PCDHGA11: variants seen among roughly 807,000 people sequenced by gnomAD.
PCDHGA11 encodes protocadherin gamma-A11.
In PCDHGA11, 39 loss-of-function variants were observed where a neutral mutation model predicts 60.4. The observed-to-expected ratio is 0.65, with a 90% CI of 0.50 to 0.84. The LOEUF (loss-of-function observed/expected upper bound fraction) is 0.84. Ranked by LOEUF, PCDHGA11 falls within the 40% of genes least tolerant of loss-of-function variation. The pLI is 0.00. For missense variants in PCDHGA11, 1,165 were observed against 1,197.7 expected, an observed-to-expected ratio of 0.97 and a Z score of 0.40; for synonymous variants, 533 against 510.3, an observed-to-expected ratio of 1.04 and a Z score of -0.60.
intron 1 of PCDHGA11, among the ~76,000 whole-genome samples, chr5:141,425,336 G>A (rs2096868804): frequency 6.6e-6 from 1 of 152,182 alleles, no homozygotes; most frequent in South Asian, 2.1e-4. Flanking sequence ...CAAAAAGGAA[G>A]GGTTGGCTTT....
intron 1 of PCDHGA11, among the ~76,000 whole-genome samples, chr5:141,451,630 C>T (rs899343801): frequency 2.0e-5 from 3 of 152,132 alleles, no homozygotes; most frequent in Non-Finnish European, 2.9e-5. Flanking sequence ...ACCTGTAATT[C>T]CAGCACTCTG....
intron 1 of PCDHGA11, among the ~76,000 whole-genome samples, chr5:141,435,715 A>T (rs528951395): frequency 5.9e-5 from 9 of 152,210 alleles, no homozygotes; most frequent in Non-Finnish European, 1.0e-4. Context: ...ACAGACACTG[A>T]ATGCTAAAGT....
chr5:141,424,966 T>G (rs913951031), intron 1 of PCDHGA11, among the ~76,000 whole-genome samples: 17 of 152,174 alleles, frequency 1.1e-4, no homozygotes, highest in African/African-American at 3.9e-4. Flanking sequence ...TTGCCCCAAA[T>G]TACTTGGATA....
chr5:141,475,106 G>T (rs1182368610), intron 1 of PCDHGA11, among the ~76,000 whole-genome samples: 6 of 152,220 alleles, frequency 3.9e-5, no homozygotes, highest in Admixed American at 2.0e-4. Context: ...ATCCTAGGTG[G>T]TAAATAGGCC....
At position 141,490,591 on chromosome 5, in the gene PCDHGA11, G is replaced by A; in HGVS notation, c.2434-4216G>A. 1 of 1,614,100 alleles carries A rather than the reference G, an allele frequency of 6.2e-7. No homozygotes were observed. Among genetic ancestry groups the A allele is most frequent in the African/African-American group, 1.3e-5 (1 of 75,016 alleles). ...CAACATTTCAGATGTCAATGACAAT[G>A]CACCCCGCTTCAACCAGCAGCTTTA... On this transcript the variant is annotated intron_variant, in intron 1 of 3. Coordinates refer to ENST00000398587, the MANE Select transcript of PCDHGA11 (RefSeq NM_018914.3). This position sits in a 1 kb window ranked among gnomAD's most constrained non-coding sequence, Gnocchi z 5.4.
chr5:141,482,601 A>T (rs1158399317), intron 1 of PCDHGA11, among the ~76,000 whole-genome samples: 1 of 152,002 alleles, frequency 6.6e-6, no homozygotes, highest in Non-Finnish European at 1.5e-5. Flanking sequence ...ACGGGAAAAA[A>T]CACCTAAATG....
intron 1 of PCDHGA11, chr5:141,427,962 G>C (rs767684725): frequency 5.0e-6 from 8 of 1,589,982 alleles, no homozygotes; most frequent in Non-Finnish European, 6.9e-6. Flanking sequence ...TGTGCCGCGG[G>C]TGCTGTACCC....
intron 1 of PCDHGA11, chr5:141,478,893 T>G (rs1469313900): frequency 1.8e-6 from 2 of 1,102,894 alleles, no homozygotes; most frequent in Admixed American, 3.1e-5. Flanking sequence ...TCATTTACAT[T>G]AGGAATAAGC....
rs779735897 is a variant in PCDHGA11 at position 141,422,336 on chromosome 5, TA to T, written c.1112del (p.Asn371MetfsTer25). 34 of 1,550,032 alleles carry T rather than the reference TA, an allele frequency of 2.2e-5. No individual in the cohort carries two copies. The East Asian group carries it at 7.2e-4, about 33-fold the overall frequency. On this transcript the variant is annotated frameshift_variant, in exon 1 of 4. Coordinates refer to ENST00000398587, the MANE Select transcript of PCDHGA11 (RefSeq NM_018914.3). LOFTEE classifies it high-confidence loss of function. ...CCTCCAGGTACAGTGATTGCTCTTC[TA>T]AATGTGCAAGATCAAGATTCTGGAG... is the stretch of plus-strand genomic sequence containing the variant. Reference protein sequence around the residue: ...NSPPGTVIALLNVQDQDSGEN... With the variant: ...NSPPGTVIALXNVQDQDSGEN...
intron 1 of PCDHGA11, among the ~76,000 whole-genome samples, chr5:141,459,789 G>A (rs960868607): frequency 6.6e-6 from 1 of 152,206 alleles, no homozygotes; most frequent in Non-Finnish European, 1.5e-5. Context: ...AGTTTCAACT[G>A]TTTTTCCCTG....
At chr5:141,459,945 G>T (rs113794146) in intron 1 of PCDHGA11, among the ~76,000 whole-genome samples, 54 of 152,164 alleles carry the variant, frequency 3.5e-4, no homozygotes, top group Middle Eastern at 3.2e-3. Flanking sequence ...GGGCGTGATG[G>T]CAGGTGCCTG....
intron 2 of PCDHGA11, among the ~76,000 whole-genome samples, chr5:141,503,088 C>T (rs1003234288): frequency 4.0e-5 from 6 of 151,864 alleles, no homozygotes; most frequent in Admixed American, 1.3e-4. Context: ...CTCCTGACCT[C>T]GTGGTCTGCC....
intron 1 of PCDHGA11, among the ~76,000 whole-genome samples, chr5:141,483,218 A>G (rs2099578440): frequency 6.6e-6 from 1 of 152,188 alleles, no homozygotes; most frequent in Admixed American, 6.5e-5. Flanking sequence ...GATGACAGTC[A>G]CTGCAGAAAT....
chr5:141,488,565 C>A (rs1308485284), intron 1 of PCDHGA11, among the ~76,000 whole-genome samples: 1 of 152,174 alleles, frequency 6.6e-6, no homozygotes, highest in Non-Finnish European at 1.5e-5. Flanking sequence ...GAGATTTCCG[C>A]AAAGCATTGC....
At chr5:141,423,885 A>G in intron 1 of PCDHGA11, 6 of 1,277,816 alleles carry the variant, frequency 4.7e-6, no homozygotes, top group Non-Finnish European at 5.9e-6. Flanking sequence ...ATCTTGGCAT[A>G]TTTTCTTTTG....
In PCDHGA11 at chr5:141,487,954, T is replaced by C. The variant is rs2099669751; in HGVS notation, c.2434-6853T>C. On this transcript the variant is annotated intron_variant, in intron 1 of 3. Transcript: ENST00000398587. The surrounding 1 kb of genome is among the most constrained non-coding windows in gnomAD (Gnocchi z 5.0). ...GGGTACAGTGCACCAGGCAGTCACTTGGACAAAGGTGGCTGTTTTCTCTAC... is the reference window on the plus strand; with the variant it reads ...GGGTACAGTGCACCAGGCAGTCACTCGGACAAAGGTGGCTGTTTTCTCTAC... Among the ~76,000 whole-genome samples the C allele has an allele frequency of 6.6e-6, 1 of 152,182 alleles. No homozygotes were observed. The highest frequency in any genetic ancestry group is 1.5e-5 in the Non-Finnish European group (1 of 68,020).
chr5:141,433,358 C>CGTAT, intron 1 of PCDHGA11: 1 of 503,368 alleles, frequency 2.0e-6, no homozygotes, highest in Non-Finnish European at 3.5e-6. Context: ...CTACTGTCTG[C>CGTAT]CTATCTATCT....
intron 1 of PCDHGA11, among the ~76,000 whole-genome samples, chr5:141,426,040 G>C (rs1032424646): frequency 2.0e-5 from 3 of 152,212 alleles, no homozygotes; most frequent in African/African-American, 7.2e-5. Flanking sequence ...GAGCCCTGCT[G>C]TTGGCCAATG....
chr5:141,485,566 C>G lies in PCDHGA11; in HGVS notation c.2434-9241C>G, dbSNP rs768144422. On this transcript the variant is annotated intron_variant, in intron 1 of 3. Transcript: ENST00000398587. This position sits in a 1 kb window ranked among gnomAD's most constrained non-coding sequence, Gnocchi z 5.7. ...TCGTAGATGTGAATGATCACGCCCC[C>G]CGTTTTCCGCGGCAGCAGCTGGACT... 2.5e-6 allele frequency: 4 copies of G among 1,612,808 alleles called. No homozygotes were observed. Among genetic ancestry groups the G allele is most frequent in the South Asian group, 2.2e-5 (2 of 91,028 alleles).
Sources: allele counts gnomAD v4.1 joint callset (sites outside exome capture counted in the v4.1 genomes callset), GRCh38; gene constraint gnomAD v4.1.1; non-coding constraint Gnocchi (gnomAD v3.1); transcripts MANE v1.5; gene names NCBI Gene and HGNC (gene_info 2026-07-23, HGNC 2026-07-21).